RBM33: variants seen among roughly 807,000 people sequenced by gnomAD.
RBM33 encodes the protein RNA-binding protein 33.
In RBM33, 28 loss-of-function variants were observed where a neutral mutation model predicts 132.6. That is an observed-to-expected ratio of 0.21 (90% CI 0.16 to 0.29). The LOEUF (loss-of-function observed/expected upper bound fraction) is 0.29. Ranked by LOEUF, RBM33 falls within the 10% of genes least tolerant of loss-of-function variation. The probability of loss-of-function intolerance (pLI) is 1.00; values close to 1 mark genes in which losing one functional copy is unlikely to be tolerated. For missense variants in RBM33, 1,291 were observed against 1,518.5 expected (o/e 0.85, Z 2.49); for synonymous variants, 634 against 593.0 (o/e 1.07, Z -1.01).
At position 155,686,027 on chromosome 7, in the gene RBM33, C is replaced by G. The variant is rs544978896; in HGVS notation, c.567+5119C>G. Among the ~76,000 whole-genome samples the G allele has an allele frequency of 6.6e-5, 10 of 152,324 alleles. No individual in the cohort carries two copies. In the East Asian group the frequency reaches 1.9e-3, roughly 29 times the overall value. On this transcript the variant is annotated intron_variant, in intron 5 of 17. Transcript: ENST00000401878. Reference sequence around the variant, plus strand: ...ACTTCTTGCACATACCCTTTCTCCCCCTCCACCAAACTAAATTTGATTTTG... The same window carrying G: ...ACTTCTTGCACATACCCTTTCTCCCGCTCCACCAAACTAAATTTGATTTTG...
At chr7:155,648,375 G>C (rs908336375) in intron 1 of RBM33, among the ~76,000 whole-genome samples, 3 of 152,200 alleles carry the variant, frequency 2.0e-5, no homozygotes, top group Non-Finnish European at 4.4e-5. Flanking sequence ...TTAAGAAAGG[G>C]AAGTAGACTC....
At chr7:155,653,874 C>T (rs1218460507) in intron 1 of RBM33, among the ~76,000 whole-genome samples, 3 of 152,190 alleles carry the variant, frequency 2.0e-5, no homozygotes, top group East Asian at 1.9e-4. Context: ...GTGTGAGTAG[C>T]CTGGGCACCT....
At position 155,709,903 on chromosome 7, in the gene RBM33, T is replaced by C. The variant is rs370484821; in HGVS notation, c.949-1300T>C. Among the ~76,000 whole-genome samples the C allele has an allele frequency of 2.6e-5, 4 of 152,206 alleles. No individual in the cohort carries two copies. The East Asian group carries it at 5.8e-4, about 22-fold the overall frequency. On this transcript the variant is annotated intron_variant, in intron 7 of 17. Transcript: ENST00000401878. ...TGGGCCAAAGCCATTCACAGATTAGTTTTAGAATTCTACTCATTGTTCCTC... is the reference window on the plus strand; with the variant it reads ...TGGGCCAAAGCCATTCACAGATTAGCTTTAGAATTCTACTCATTGTTCCTC...
intron 5 of RBM33, among the ~76,000 whole-genome samples, chr7:155,694,496 G>A (rs1205089176): frequency 6.6e-6 from 1 of 152,212 alleles, no homozygotes; most frequent in Non-Finnish European, 1.5e-5. Context: ...TAGATGTAAA[G>A]TGTACAGTAA....
intron 9 of RBM33, among the ~76,000 whole-genome samples, chr7:155,723,014 TCTTA>T (rs1249153445): frequency 1.3e-5 from 2 of 152,232 alleles, no homozygotes; most frequent in Non-Finnish European, 2.9e-5. Context: ...ACAATCGTGT[TCTTA>T]CTTACTTAGA....
intron 1 of RBM33, among the ~76,000 whole-genome samples, chr7:155,650,643 T>TA (rs1457485155): frequency 4.6e-5 from 7 of 152,228 alleles, no homozygotes; most frequent in Non-Finnish European, 1.0e-4. Context: ...TGGGATGGTG[T>TA]AAAAATCTGT....
chr7:155,707,066 G>A lies in RBM33; in HGVS notation c.946G>A (p.Val316Met), dbSNP rs991806047. ...GCTGCTTCCTACACAGCCTCCTGTC[G>A]TGGTAACTTCAGATTTTCTTGTAGT... is the stretch of plus-strand genomic sequence containing the variant. ...PALLPTQPPVVPQAPPPPPPP... is the reference protein window; with the variant it reads ...PALLPTQPPVMPQAPPPPPPP... Residue 316 changes from valine (V) to methionine (M), a missense_variant and splice_region_variant, in exon 7 of 18, where the codon GTG becomes ATG. Transcript: ENST00000401878. The A allele has an allele frequency of 1.3e-5, 20 of 1,539,002 alleles. No homozygotes were observed. The African/African-American group carries it at 1.7e-4, about 13-fold the overall frequency.
At chr7:155,665,345 C>T (rs974420127) in intron 2 of RBM33, 92 bp downstream of exon 2, 17 of 1,102,446 alleles carry the variant, frequency 1.5e-5, no homozygotes, top group Non-Finnish European at 2.2e-5. Flanking sequence ...AACGCAGCAC[C>T]TTGACTACCT....
chr7:155,738,597 G>T, intron 11 of RBM33, 194 bp downstream of exon 11: 2 of 591,158 alleles, frequency 3.4e-6, no homozygotes, highest in Non-Finnish European at 5.8e-6. Flanking sequence ...AGAAAAAAAT[G>T]GGAAAATGTC....
Position 155,777,070 on chromosome 7 carries a change from T to C in RBM33, c.*2029T>C, listed in dbSNP as rs1040742541. 9.2e-5 allele frequency: 14 copies of C among 152,500 alleles called. No homozygotes were observed. The highest frequency in any genetic ancestry group is 1.5e-4 in the Non-Finnish European group (10 of 68,034). The allele number at this position is 152,500 out of a possible 1,614,324, so 9.4% of individuals were successfully genotyped here. ...TGACTTTTTTTTTTTTTAAACACTTTTTGAAATAGAGTGTGCTGTGTTTAA... is the reference window on the plus strand; with the variant it reads ...TGACTTTTTTTTTTTTTAAACACTTCTTGAAATAGAGTGTGCTGTGTTTAA... On this transcript the variant is annotated 3_prime_UTR_variant, in exon 18 of 18. Transcript: ENST00000401878.
At chr7:155,704,582 A>G (rs1456289178) in intron 6 of RBM33, among the ~76,000 whole-genome samples, 1 of 152,212 alleles carries the variant, frequency 6.6e-6, no homozygotes, top group Non-Finnish European at 1.5e-5. Flanking sequence ...CTTTTCGTCT[A>G]GGAGGTGGCC....
chr7:155,753,244 C>T (rs963659996), intron 14 of RBM33, among the ~76,000 whole-genome samples: 3 of 152,210 alleles, frequency 2.0e-5, no homozygotes, highest in East Asian at 1.9e-4. Flanking sequence ...GCATTATTTC[C>T]TGCAAAAATT....
At chr7:155,746,673 G>A (rs1266668934) in intron 14 of RBM33, 1 of 152,156 alleles carries the variant, frequency 6.6e-6, no homozygotes, top group East Asian at 1.9e-4. Flanking sequence ...GTGGTAAGTA[G>A]CTCTCATCTG....
In RBM33 at chr7:155,680,891, C is replaced by A. The variant is rs1222383364; in HGVS notation, c.550C>A (p.Pro184Thr). ...AGTGTTAGACATCGAGATCAATGAACCTTTAGATGAATTTACAGTGAGTCT... is the reference window on the plus strand; with the variant it reads ...AGTGTTAGACATCGAGATCAATGAAACTTTAGATGAATTTACAGTGAGTCT... Reference protein sequence around the residue: ...DEVLDIEINEPLDEFTGGMET... With the variant: ...DEVLDIEINETLDEFTGGMET... The change falls in exon 5 of 18, where the codon CCT becomes ACT. Residue 184 changes from proline (P) to threonine (T), a missense_variant. By Grantham distance (38) the Pro-to-Thr change is conservative. Coordinates refer to ENST00000401878, the MANE Select transcript of RBM33 (RefSeq NM_053043.3). The A allele has an allele frequency of 3.7e-6, 6 of 1,612,998 alleles. No individual in the cohort carries two copies. The African/African-American group carries it at 4.0e-5, about 11-fold the overall frequency.
chr7:155,652,065 A>T (rs1412120504), intron 1 of RBM33, among the ~76,000 whole-genome samples: 1 of 152,184 alleles, frequency 6.6e-6, no homozygotes, highest in Non-Finnish European at 1.5e-5. Flanking sequence ...ACATTACCTG[A>T]TTTGTAGTTA....
At chr7:155,667,107 C>T (rs11771141) in intron 2 of RBM33, among the ~76,000 whole-genome samples, 5,522 of 152,228 alleles carry the variant, frequency 0.036, 136 homozygotes, top group Non-Finnish European at 0.055. Flanking sequence ...TACCATTTGA[C>T]AGTAGGTTGC....
intron 14 of RBM33, among the ~76,000 whole-genome samples, chr7:155,747,200 A>C (rs1312238071): frequency 6.6e-6 from 1 of 152,248 alleles, no homozygotes; most frequent in African/African-American, 2.4e-5. Flanking sequence ...ATGGTGTTAC[A>C]TAAAATTGTT....
chr7:155,673,586 A>ATATACACACATATACATACACACGTG lies in RBM33; in HGVS notation c.171+675_171+676insCACACATATACATACACACGTGTATA, dbSNP rs1799030509. 2.9e-4 allele frequency among the ~76,000 whole-genome samples: 28 copies of ATATACACACATATACATACACACGTG among 97,396 alleles called. 4 individuals are homozygous for ATATACACACATATACATACACACGTG. Among genetic ancestry groups the ATATACACACATATACATACACACGTG allele is most frequent in the African/African-American group, 1.2e-3 (27 of 23,178 alleles). The allele number at this position is 97,396 out of a possible 152,430, so 63.9% of individuals were successfully genotyped here. ...CACACATATACATACACACGTGTATATATATATACACACATATACATACAC... is the reference window on the plus strand; with the variant it reads ...CACACATATACATACACACGTGTATATATACACACATATACATACACACGTGTATATATACACACATATACATACAC... On this transcript the variant is annotated intron_variant, in intron 3 of 17. Coordinates refer to ENST00000401878, the MANE Select transcript of RBM33 (RefSeq NM_053043.3).
chr7:155,682,994 T>C (rs1799376900), intron 5 of RBM33, among the ~76,000 whole-genome samples: 1 of 151,008 alleles, frequency 6.6e-6, no homozygotes. Flanking sequence ...TTTTCAGAAT[T>C]AAAGTCTTGA....
Sources: gnomAD v4.1 joint callset for allele counts (sites outside exome capture counted in the v4.1 genomes callset) on GRCh38, gnomAD v4.1.1 for gene constraint, MANE v1.5 for transcripts, NCBI Gene and HGNC (gene_info 2026-07-23, HGNC 2026-07-21) for gene names.